Variants in SORBS2 observed in about 807,000 individuals in gnomAD.
SORBS2 encodes sorbin and SH3 domain-containing protein 2.
SORBS2 carries 46 observed loss-of-function variants against 97.7 expected under a neutral mutation model. The observed-to-expected ratio is 0.47, with a 90% CI of 0.37 to 0.60. The LOEUF (loss-of-function observed/expected upper bound fraction) is 0.60, where lower values mean the gene tolerates loss of function less well. Ranked by LOEUF, SORBS2 falls within the 20% of genes least tolerant of loss-of-function variation. The probability of loss-of-function intolerance (pLI) is 0.00; values close to 1 mark genes in which losing one functional copy is unlikely to be tolerated. For synonymous variants in SORBS2, 476 were observed against 473.4 expected (o/e 1.01, Z -0.07); for missense variants, 1,316 against 1,282.3 (o/e 1.03, Z -0.40).
At chr4:185,932,282 T>C (rs1351000308) in intron 1 of SORBS2, among the ~76,000 whole-genome samples, 2 of 151,662 alleles carry the variant, frequency 1.3e-5, no homozygotes, top group East Asian at 3.9e-4. Flanking sequence ...CCTGATATAC[T>C]GAAGAAATCT....
At chr4:185,718,018 G>T (rs534744047) in intron 2 of SORBS2, among the ~76,000 whole-genome samples, 1 of 152,190 alleles carries the variant, frequency 6.6e-6, no homozygotes, top group African/African-American at 2.4e-5. Context: ...ACCACTTGAG[G>T]TCAGGAGTTC....
chr4:185,722,166 G>T (rs2098519866), intron 2 of SORBS2, among the ~76,000 whole-genome samples: 1 of 152,194 alleles, frequency 6.6e-6, no homozygotes, highest in Admixed American at 6.5e-5. Context: ...GTCCAGACAG[G>T]ATGATGAAAC....
chr4:185,706,492 A>G (rs922949080), intron 2 of SORBS2, among the ~76,000 whole-genome samples: 1 of 152,124 alleles, frequency 6.6e-6, no homozygotes, highest in African/African-American at 2.4e-5. Context: ...ATAAACCACA[A>G]TCCTTGGTGC....
At chr4:185,624,849 C>T (rs1027198667) in intron 6 of SORBS2, among the ~76,000 whole-genome samples, 2 of 152,216 alleles carry the variant, frequency 1.3e-5, no homozygotes, top group Non-Finnish European at 2.9e-5. Context: ...CAGCTGATAG[C>T]ATGATCTGGT....
At chr4:185,752,333 T>C (rs1012305421) in intron 2 of SORBS2, among the ~76,000 whole-genome samples, 1 of 152,308 alleles carries the variant, frequency 6.6e-6, no homozygotes, top group South Asian at 2.1e-4. Flanking sequence ...TGGAGTGCAG[T>C]GGCACGATCT....
intron 2 of SORBS2, chr4:185,739,962 T>C (rs1191015163): frequency 4.6e-5 from 7 of 152,668 alleles, no homozygotes; most frequent in Non-Finnish European, 8.8e-5. Context: ...GAAATTGTTA[T>C]TTACATTGTG....
chr4:185,881,578 T>C (rs1176007711), intron 1 of SORBS2, among the ~76,000 whole-genome samples: 1 of 152,174 alleles, frequency 6.6e-6, no homozygotes. Context: ...TCAGGGACTA[T>C]AGCACGAATT....
intron 1 of SORBS2, among the ~76,000 whole-genome samples, chr4:185,803,024 C>G (rs1195495640): frequency 6.6e-6 from 1 of 152,190 alleles, no homozygotes; most frequent in Non-Finnish European, 1.5e-5. Context: ...CTAATTCCTA[C>G]TGAACTCAAA....
intron 5 of SORBS2, among the ~76,000 whole-genome samples, chr4:185,629,604 C>T (rs1223507435): frequency 6.8e-6 from 1 of 146,304 alleles, no homozygotes; most frequent in Non-Finnish European, 1.5e-5. Context: ...GCTGTGTTGC[C>T]AGGCTGGAGT....
intron 2 of SORBS2, among the ~76,000 whole-genome samples, chr4:185,691,745 GAA>G (rs1249895050): frequency 6.6e-6 from 1 of 152,064 alleles, no homozygotes; most frequent in South Asian, 2.1e-4. Flanking sequence ...GGTTGTCTCA[GAA>G]AAAAGTTTTT....
intron 1 of SORBS2, among the ~76,000 whole-genome samples, chr4:185,869,348 C>G (rs928166632): frequency 1.2e-4 from 19 of 152,088 alleles, no homozygotes; most frequent in African/African-American, 3.6e-4. Flanking sequence ...TAAACAAATA[C>G]AAGGTTTATT....
In SORBS2 at chr4:185,593,894, C is replaced by T. The variant is rs149932614; in HGVS notation, c.2838G>A (p.Gly946=). Residue 946 remains glycine, a synonymous_variant, in exon 13 of 15, where the codon GGG becomes GGA. Coordinates refer to ENST00000418609, the Ensembl canonical transcript of SORBS2. ...ATAAGAAGAATACTTACGGTTCCCC[C>T]CCACCTTGAATATTTTCATGAGTAA... is the stretch of plus-strand genomic sequence containing the variant. 200 of 1,603,022 alleles carry T rather than the reference C, an allele frequency of 1.2e-4. 3 individuals carry two copies. The East Asian group carries it at 3.8e-3, about 31-fold the overall frequency.
At chr4:185,799,425 G>A (rs1380284586) in intron 1 of SORBS2, among the ~76,000 whole-genome samples, 1 of 152,182 alleles carries the variant, frequency 6.6e-6, no homozygotes, top group Non-Finnish European at 1.5e-5. Context: ...CAAATACTAT[G>A]TAAAAGGAGA....
At chr4:185,633,285 A>T (rs963309859) in intron 4 of SORBS2, among the ~76,000 whole-genome samples, 11 of 152,188 alleles carry the variant, frequency 7.2e-5, no homozygotes, top group African/African-American at 2.4e-4. Flanking sequence ...AATGTTTAAT[A>T]ACAAAAGGTT....
chr4:185,597,659 T>C (rs555245254), intron 12 of SORBS2, among the ~76,000 whole-genome samples: 6 of 152,334 alleles, frequency 3.9e-5, no homozygotes, highest in Admixed American at 2.0e-4. Flanking sequence ...GCAAATGTCC[T>C]ATAAGGTGAT....
chr4:185,623,683 G>A lies in SORBS2; in HGVS notation c.1446C>T (p.Pro482=), dbSNP rs1408622010. 6.2e-7 allele frequency: 1 copy of A among 1,614,058 alleles called. No homozygotes were observed. The highest frequency in any genetic ancestry group is 8.5e-7 in the Non-Finnish European group (1 of 1,180,036). The change falls in exon 7 of 15, where the codon CCC becomes CCT. Residue 482 remains proline (P), a synonymous_variant. Coordinates refer to ENST00000418609, the Ensembl canonical transcript of SORBS2. This position sits in a 1 kb window ranked among gnomAD's most constrained non-coding sequence, Gnocchi z 6.4. ...CATCGCTGGTGACTTCAATGTGAAT[G>A]GGCACCAGGGCGTTAGACTGGCAGC...
chr4:185,717,642 G>A (rs2098477076), intron 2 of SORBS2, among the ~76,000 whole-genome samples: 1 of 152,160 alleles, frequency 6.6e-6, no homozygotes. Context: ...AGTGTAGTTA[G>A]CTGGGCGCCC....
upstream of SORBS2, among the ~76,000 whole-genome samples, chr4:185,661,899 G>A (rs537605660): frequency 3.3e-5 from 5 of 152,152 alleles, no homozygotes; most frequent in East Asian, 5.8e-4. Context: ...CCCACACCAG[G>A]CTCAGACACA....
chr4:185,599,286 T>C (rs2153376690), intron 12 of SORBS2, among the ~76,000 whole-genome samples: 1 of 152,332 alleles, frequency 6.6e-6, no homozygotes, highest in East Asian at 1.9e-4. Flanking sequence ...TCCTGACTTA[T>C]GTCCAGATGA....
Sources: gnomAD v4.1 joint callset for allele counts (sites outside exome capture counted in the v4.1 genomes callset) on GRCh38, gnomAD v4.1.1 for gene constraint, Gnocchi (gnomAD v3.1) non-coding constraint, MANE v1.5 for transcripts, NCBI Gene and HGNC (gene_info 2026-07-23, HGNC 2026-07-21) for gene names.